The following MYOCD variants were observed in gnomAD, a reference collection of about 807,000 sequenced individuals.
MYOCD encodes myocardin.
A neutral mutation model predicts 96.1 loss-of-function variants in MYOCD; 32 were observed. That is an observed-to-expected ratio of 0.33 (90% CI 0.25 to 0.45). The LOEUF is 0.45. Among genes scored for constraint, MYOCD ranks in the 20% least tolerant of loss-of-function variants. MYOCD has a pLI of 1.00. For missense variants in MYOCD, 1,133 were observed against 1,200.6 expected (o/e 0.94, Z 0.83); for synonymous variants, 469 against 469.0 (o/e 1.00, Z 0.00).
At chr17:12,680,057 T>C (rs1011068279) in intron 1 of MYOCD, among the ~76,000 whole-genome samples, 15 of 152,222 alleles carry the variant, frequency 9.9e-5, no homozygotes, top group Non-Finnish European at 1.0e-4. Flanking sequence ...AATGCTATAA[T>C]AGAATAGTAT....
At chr17:12,691,303 G>A (rs191229789) in intron 1 of MYOCD, among the ~76,000 whole-genome samples, 220 of 152,274 alleles carry the variant, frequency 1.4e-3, no homozygotes, top group African/African-American at 5.1e-3. Flanking sequence ...AAGAATGAGC[G>A]AGCATGGGGT....
At chr17:12,696,620 A>G (rs2030764298) in intron 1 of MYOCD, among the ~76,000 whole-genome samples, 1 of 151,962 alleles carries the variant, frequency 6.6e-6, no homozygotes. Flanking sequence ...GGTGGCTGTG[A>G]GGTGGTTAAT....
intron 4 of MYOCD, among the ~76,000 whole-genome samples, chr17:12,719,556 A>G (rs1338067859): frequency 3.9e-5 from 6 of 151,994 alleles, no homozygotes; most frequent in Non-Finnish European, 8.8e-5. Context: ...AAGAGTTATT[A>G]AGAAATTATT....
rs1212639736 is a variant in MYOCD, at chr17:12,764,794, C to T, written c.*1150C>T. The T allele has an allele frequency of 1.3e-5, 2 of 152,192 alleles. No homozygotes were observed. Among genetic ancestry groups the T allele is most frequent in the Non-Finnish European group, 2.9e-5 (2 of 68,040 alleles). The allele number at this position is 152,192 out of a possible 1,614,324, so 9.4% of individuals were successfully genotyped here. On this transcript the variant is annotated 3_prime_UTR_variant, in exon 14 of 14. Coordinates refer to ENST00000425538, the MANE Select transcript of MYOCD (RefSeq NM_001146312.3). Reference sequence around the variant, plus strand: ...GGACTTCTCAGTTCTAACAAGCTGCCATACTCCTAAGAAAGCCATTTTTGA... The same window carrying T: ...GGACTTCTCAGTTCTAACAAGCTGCTATACTCCTAAGAAAGCCATTTTTGA...
Position 12,765,263 on chromosome 17 carries a change from T to C in MYOCD, c.*1619T>C, listed in dbSNP as rs944238111. 3 of 152,018 alleles carry C rather than the reference T, an allele frequency of 2.0e-5. No individual in the cohort carries two copies. In the South Asian group the frequency reaches 6.2e-4, roughly 32 times the overall value. The allele number at this position is 152,018 out of a possible 1,614,324, so 9.4% of individuals were successfully genotyped here. On this transcript the variant is annotated 3_prime_UTR_variant, in exon 14 of 14. Transcript: ENST00000425538. ...GCATGCTGTAGAAAGGAGCTATTGC[T>C]GTTGTTTTGTTTTTTTATTTAAATC...
In MYOCD at chr17:12,752,730, C is replaced by G; in HGVS notation, c.1442C>G (p.Ser481Cys). The stretch of plus-strand genomic sequence containing the variant: ...GACACCTTCAATGATGCCTCCCCCT[C>G]CTTCGGCCTGCACCCGTCCCCAGTC... Reference protein sequence around the residue: ...LPDTFNDASPSFGLHPSPVHV... With the variant: ...LPDTFNDASPCFGLHPSPVHV... Residue 481 changes from serine to cysteine, a missense_variant, in exon 10 of 14, where the codon TCC becomes TGC. Coordinates refer to ENST00000425538, the MANE Select transcript of MYOCD (RefSeq NM_001146312.3). The G allele has an allele frequency of 6.2e-7, 1 of 1,614,206 alleles. No homozygotes were observed. The highest frequency in any genetic ancestry group is 2.2e-5 in the East Asian group (1 of 44,886).
intron 10 of MYOCD, 44 bp from the exon 11 acceptor site, chr17:12,756,366 CAAGT>C (rs779351013): frequency 1.9e-6 from 3 of 1,549,884 alleles, no homozygotes; most frequent in East Asian, 2.4e-5. Context: ...AGGTCACACT[CAAGT>C]AAGCTGCTGC....
rs575396240 is a variant in MYOCD at position 12,670,611 on chromosome 17, AG to A, written c.55+4369del. Among the ~76,000 whole-genome samples the A allele has an allele frequency of 3.1e-3, 471 of 152,282 alleles. 4 individuals are homozygous for A. Among genetic ancestry groups the A allele is most frequent in the Middle Eastern group, 3.4e-3 (1 of 294 alleles). ...TTTAGAACAAATAATTTAACCTACA[AG>A]AGTACCTTTCCCATGATATGTAATA... On this transcript the variant is annotated intron_variant, in intron 1 of 13. Coordinates refer to ENST00000425538, the MANE Select transcript of MYOCD (RefSeq NM_001146312.3).
At chr17:12,705,260 C>A in intron 2 of MYOCD, 67 bp downstream of exon 2, 1 of 1,150,034 alleles carries the variant, frequency 8.7e-7, no homozygotes, top group South Asian at 1.3e-5. Context: ...TGGAAAGTGC[C>A]TCAGAGGTCA....
intron 1 of MYOCD, among the ~76,000 whole-genome samples, chr17:12,694,609 A>G (rs575087320): frequency 6.6e-6 from 1 of 152,282 alleles, no homozygotes; most frequent in Non-Finnish European, 1.5e-5. Flanking sequence ...GATAGGAGCA[A>G]CAAGGCCAAG....
At chr17:12,706,050 T>C (rs770511154) in intron 2 of MYOCD, 2 of 152,156 alleles carry the variant, frequency 1.3e-5, no homozygotes, top group Non-Finnish European at 2.9e-5. Flanking sequence ...TTAGAAAAAA[T>C]GTTGTGTAGT....
At chr17:12,716,794 A>G (rs1380631485) in intron 3 of MYOCD, among the ~76,000 whole-genome samples, 1 of 152,012 alleles carries the variant, frequency 6.6e-6, no homozygotes, top group African/African-American at 2.4e-5. Flanking sequence ...CCTAGGAAAC[A>G]TGGTGAAACC....
At chr17:12,733,882 A>G (rs1210293976) in intron 5 of MYOCD, among the ~76,000 whole-genome samples, 2 of 127,024 alleles carry the variant, frequency 1.6e-5, no homozygotes. Context: ...AAGAAAAAAG[A>G]AAAAAAGAAA....
chr17:12,748,200 GAGAGAGAGAA>G (rs2032728798), intron 9 of MYOCD, among the ~76,000 whole-genome samples: 1 of 149,450 alleles, frequency 6.7e-6, no homozygotes, highest in Non-Finnish European at 1.5e-5. Context: ...AAAAACTGGA[GAGAGAGAGAA>G]AGAGAGAGAC....
chr17:12,738,463 A>C (rs1317644631), intron 6 of MYOCD, among the ~76,000 whole-genome samples: 1 of 152,130 alleles, frequency 6.6e-6, no homozygotes, highest in Non-Finnish European at 1.5e-5. Context: ...ACACACAAAC[A>C]CACACACAGA....
At chr17:12,700,724 G>C (rs537462131) in intron 1 of MYOCD, among the ~76,000 whole-genome samples, 4 of 151,132 alleles carry the variant, frequency 2.6e-5, no homozygotes, top group Non-Finnish European at 5.9e-5. Flanking sequence ...TATAAACTTC[G>C]TCTTCATTTG....
intron 1 of MYOCD, among the ~76,000 whole-genome samples, chr17:12,688,153 C>T (rs1207168662): frequency 1.3e-5 from 2 of 152,346 alleles, no homozygotes; most frequent in East Asian, 3.9e-4. Flanking sequence ...TGGAAAGTCT[C>T]CTACACCCAG....
chr17:12,759,152 A>G (rs180756522), intron 12 of MYOCD, among the ~76,000 whole-genome samples: 1 of 152,364 alleles, frequency 6.6e-6, no homozygotes, highest in Admixed American at 6.5e-5. Flanking sequence ...TGCTCAACCC[A>G]GAGAAGAACA....
In MYOCD at chr17:12,750,855, G is replaced by A. The variant is rs141631942; in HGVS notation, c.1126-1559G>A. ...CTGTCCATATTTTAAATTTTATTTC[G>A]TTTCTGAAAAGCTGGATCATATATC... is the stretch of plus-strand genomic sequence containing the variant. On this transcript the variant is annotated intron_variant, in intron 9 of 13. Transcript: ENST00000425538. 2.0e-3 allele frequency among the ~76,000 whole-genome samples: 304 copies of A among 151,494 alleles called. 1 individual carries two copies. The highest frequency in any genetic ancestry group is 7.0e-3 in the African/African-American group (287 of 41,270).
Sources: gnomAD v4.1 joint callset for allele counts (sites outside exome capture counted in the v4.1 genomes callset) on GRCh38, gnomAD v4.1.1 for gene constraint, MANE v1.5 for transcripts, NCBI Gene and HGNC (gene_info 2026-07-23, HGNC 2026-07-21) for gene names.